Variants in NUP188 observed in about 807,000 individuals in gnomAD.
NUP188 encodes nucleoporin NUP188.
In NUP188, 97 loss-of-function variants were observed where a neutral mutation model predicts 223.0. That is an observed-to-expected ratio of 0.43 (90% confidence interval 0.37 to 0.51). The LOEUF is 0.51. Among genes scored for constraint, NUP188 ranks in the 20% least tolerant of loss-of-function variants. The probability of loss-of-function intolerance (pLI) is 0.00; values close to 1 mark genes in which losing one functional copy is unlikely to be tolerated. For missense variants in NUP188, 1,947 were observed against 2,175.6 expected, an observed-to-expected ratio of 0.89 and a Z score of 2.09; for synonymous variants, 869 against 828.0, an observed-to-expected ratio of 1.05 and a Z score of -0.85.
At chr9:128,978,228 C>T (rs1365100419) in intron 12 of NUP188, among the ~76,000 whole-genome samples, 1 of 151,106 alleles carries the variant, frequency 6.6e-6, no homozygotes, top group African/African-American at 2.4e-5. Context: ...AGAGCAAGAC[C>T]CTGTCTCTAA....
intron 8 of NUP188, among the ~76,000 whole-genome samples, chr9:128,965,653 A>G (rs980104447): frequency 6.6e-6 from 1 of 151,966 alleles, no homozygotes; most frequent in African/African-American, 2.4e-5. Flanking sequence ...GGGTTTCACC[A>G]TGTTGCCCAG....
At chr9:128,998,335 A>G (rs887895220) in intron 31 of NUP188, 107 bp downstream of exon 31, 2 of 1,146,508 alleles carry the variant, frequency 1.7e-6, no homozygotes, top group Admixed American at 1.7e-5. Flanking sequence ...GTCAGGTCAC[A>G]GGGCTCACGT....
chr9:129,002,157 C>T (rs562425650), intron 36 of NUP188, among the ~76,000 whole-genome samples, 181 bp downstream of exon 36: 1 of 152,390 alleles, frequency 6.6e-6, no homozygotes, highest in African/African-American at 2.4e-5. Context: ...CACTAAAAGG[C>T]ACCGCCTGGC....
chr9:128,979,442 C>T (rs1010280479), intron 13 of NUP188, 115 bp downstream of exon 13: 7 of 664,658 alleles, frequency 1.1e-5, no homozygotes, highest in East Asian at 3.0e-5. Context: ...TTCATAAAAA[C>T]GTATGAAGTA....
intron 2 of NUP188, among the ~76,000 whole-genome samples, chr9:128,950,518 G>A (rs1841767878): frequency 6.6e-6 from 1 of 152,162 alleles, no homozygotes; most frequent in Admixed American, 6.6e-5. Flanking sequence ...ACTGTGCCTG[G>A]TATAAACACT....
Position 129,006,005 on chromosome 9 carries a change from G to A in NUP188, c.4870-45G>A, listed in dbSNP as rs765656466. On this transcript the variant is annotated intron_variant, in intron 41 of 43. Coordinates refer to ENST00000372577, the MANE Select transcript of NUP188 (RefSeq NM_015354.3). ...CAAGTAGGAAGCTCTCAGTAAGTGGGAGCTGTTCCTGTTGTCTTAGTTTTT... is the reference window on the plus strand; with the variant it reads ...CAAGTAGGAAGCTCTCAGTAAGTGGAAGCTGTTCCTGTTGTCTTAGTTTTT... 3.7e-6 allele frequency: 6 copies of A among 1,602,658 alleles called. No individual in the cohort carries two copies. The East Asian group carries it at 1.3e-4, about 36-fold the overall frequency.
At chr9:129,004,859 G>T in intron 38 of NUP188, 1 of 482,714 alleles carries the variant, frequency 2.1e-6, no homozygotes, top group Non-Finnish European at 3.7e-6. Flanking sequence ...GGGTCTCAGG[G>T]AGACAGTCCA....
chr9:128,952,547 A>T (rs907514570), intron 2 of NUP188, among the ~76,000 whole-genome samples: 1 of 151,896 alleles, frequency 6.6e-6, no homozygotes, highest in African/African-American at 2.4e-5. Context: ...ACATGGTGAA[A>T]CTCCATCTCT....
At chr9:128,960,882 C>G (rs542351289) in intron 8 of NUP188, among the ~76,000 whole-genome samples, 37 of 152,082 alleles carry the variant, frequency 2.4e-4, no homozygotes, top group African/African-American at 7.7e-4. Context: ...GTCAGGAGTT[C>G]AAAACCAGCC....
chr9:128,981,237 G>T, intron 14 of NUP188, 27 bp from the exon 15 acceptor site: 5 of 1,609,614 alleles, frequency 3.1e-6, no homozygotes, highest in Non-Finnish European at 4.2e-6. Context: ...GGAGGGAAAT[G>T]TGTGATGGTT....
At chr9:128,970,671 T>G (rs961673368) in intron 10 of NUP188, 87 bp from the exon 11 acceptor site, 2 of 1,131,280 alleles carry the variant, frequency 1.8e-6, no homozygotes, top group Middle Eastern at 2.0e-4. Flanking sequence ...TCTTTATGGC[T>G]TGCTTATTGA....
At chr9:129,001,458 C>T in intron 34 of NUP188, 71 bp from the exon 35 acceptor site, 1 of 1,487,924 alleles carries the variant, frequency 6.7e-7, no homozygotes, top group Non-Finnish European at 9.3e-7. Context: ...CAACCAGGCC[C>T]ACCGCTGCCT....
At chr9:128,978,934 C>G (rs1360811285) in intron 12 of NUP188, among the ~76,000 whole-genome samples, 1 of 152,178 alleles carries the variant, frequency 6.6e-6, no homozygotes, top group East Asian at 1.9e-4. Flanking sequence ...TGGTCTCGAA[C>G]TCCTGACCTC....
rs1282527023 is a variant in NUP188, at chr9:129,006,311, C to G, written c.5016C>G (p.Asp1672Glu). 4 of 1,614,186 alleles carry G rather than the reference C, an allele frequency of 2.5e-6. No individual in the cohort carries two copies. The South Asian group carries it at 4.4e-5, about 18-fold the overall frequency. ...CTCAGGCGATGCGGTACCTTAGGGA[C>G]CCGGCTGTGCACCCCCGGGACAAAC... The part of the protein sequence containing the change: ...LISQAMRYLR[D>E]PAVHPRDKQR... Residue 1672 changes from aspartate (D) to glutamate (E), a missense_variant, in exon 43 of 44, where the codon GAC (aspartate) becomes GAG (glutamate). Asp to Glu is a conservative substitution (Grantham distance 45). Coordinates refer to ENST00000372577, the MANE Select transcript of NUP188 (RefSeq NM_015354.3).
Position 129,005,058 on chromosome 9 carries a change from G to A in NUP188, c.4435-89G>A, listed in dbSNP as rs1842755655. ...GCAGCAGCGAGTGAGGAGCGCATGG[G>A]TGTTACATGGAGGGCTATTGGGTTG... is the stretch of plus-strand genomic sequence containing the variant. On this transcript the variant is annotated intron_variant, in intron 38 of 43. Coordinates refer to ENST00000372577, the MANE Select transcript of NUP188 (RefSeq NM_015354.3). 3 of 853,802 alleles carry A rather than the reference G, an allele frequency of 3.5e-6. No homozygotes were observed. The African/African-American group carries it at 5.0e-5, about 14-fold the overall frequency. The allele number at this position is 853,802 out of a possible 1,614,324, so 52.9% of individuals were successfully genotyped here.
At position 128,959,020 on chromosome 9, in the gene NUP188, A is replaced by G. The variant is rs1027256234; in HGVS notation, c.471A>G (p.Glu157=). 6.4e-7 allele frequency: 1 copy of G among 1,564,810 alleles called. No homozygotes were observed. ...FQDERHPYRV[E]YADCVDKLEK... ...ACTCTTTTGATTTTTTAAAGGTTGA[A>G]TATGCAGACTGTGTTGATAAATTGG... The change falls in exon 8 of 44, where the codon GAA becomes GAG. Residue 157 remains glutamate (E), a synonymous_variant. Transcript: ENST00000372577.
chr9:128,966,204 T>C (rs1842027079), intron 8 of NUP188, among the ~76,000 whole-genome samples: 1 of 149,644 alleles, frequency 6.7e-6, no homozygotes, highest in South Asian at 2.1e-4. Context: ...TTTTTATATA[T>C]GTATATGTTT....
At chr9:128,972,353 A>G (rs1157374431) in intron 11 of NUP188, among the ~76,000 whole-genome samples, 1 of 152,238 alleles carries the variant, frequency 6.6e-6, no homozygotes, top group Non-Finnish European at 1.5e-5. Flanking sequence ...GCTTCATAGT[A>G]TATGATTCCA....
At chr9:128,956,556 AC>A (rs1841874338) in intron 4 of NUP188, 122 bp downstream of exon 4, 2 of 571,614 alleles carry the variant, frequency 3.5e-6, no homozygotes, top group Non-Finnish European at 6.0e-6. Context: ...TTTTATAAAT[AC>A]CCAGGTTGCA....
Sources: allele counts gnomAD v4.1 joint callset (sites outside exome capture counted in the v4.1 genomes callset), GRCh38; gene constraint gnomAD v4.1.1; transcripts MANE v1.5; gene names NCBI Gene and HGNC (gene_info 2026-07-23, HGNC 2026-07-21).